The following TXNRD1 variants were observed in gnomAD, a reference collection of about 807,000 sequenced individuals.
TXNRD1 encodes thioredoxin reductase 1, cytoplasmic.
A neutral mutation model predicts 80.3 loss-of-function variants in TXNRD1; 57 were observed. That is an observed-to-expected ratio of 0.71 (90% CI 0.57 to 0.89). TXNRD1 has a LOEUF of 0.89. TXNRD1 is among the 40% of genes least tolerant of loss of function. The pLI is 0.00. For synonymous variants in TXNRD1, 291 were observed against 285.2 expected (o/e 1.02, Z -0.20); for missense variants, 730 against 803.0 (o/e 0.91, Z 1.10).
Position 104,308,487 on chromosome 12 carries a change from G to A in TXNRD1, c.415-2803G>A, listed in dbSNP as rs151246662. ...AAAAAATTTTTTAAAATAAAAATACGTTAACATTTAATAAATATATTATTT... is the reference window on the plus strand; with the variant it reads ...AAAAAATTTTTTAAAATAAAAATACATTAACATTTAATAAATATATTATTT... On this transcript the variant is annotated intron_variant, in intron 4 of 16. Transcript: ENST00000525566. 6.5e-3 allele frequency among the ~76,000 whole-genome samples: 987 copies of A among 151,980 alleles called. 9 individuals are homozygous for A. Among genetic ancestry groups the A allele is most frequent in the African/African-American group, 0.022 (909 of 41,414 alleles).
chr12:104,242,794 T>TA lies in TXNRD1; in HGVS notation c.92-8732dup, dbSNP rs557236112. On this transcript the variant is annotated intron_variant, in intron 1 of 16. Coordinates refer to ENST00000525566, the MANE Select transcript of TXNRD1 (RefSeq NM_001093771.3). ...CTACCTCAAACACACAGTGTCTAGT[T>TA]ACAGTGGTAGCCTACATGGATTTCT... Among the ~76,000 whole-genome samples, 196 of 152,280 alleles carry TA rather than the reference T, an allele frequency of 1.3e-3. 2 individuals are homozygous for TA. The highest frequency in any genetic ancestry group is 4.7e-3 in the Admixed American group (72 of 15,286).
intron 4 of TXNRD1, among the ~76,000 whole-genome samples, chr12:104,310,784 C>T (rs1014641732): frequency 1.3e-5 from 2 of 152,144 alleles, no homozygotes; most frequent in African/African-American, 2.4e-5. Flanking sequence ...CCTACAAAAG[C>T]AGCAACTTTC....
rs558948496 is a variant in TXNRD1 at position 104,251,471 on chromosome 12, T to C, written c.92-56T>C. 7.7e-6 allele frequency: 12 copies of C among 1,553,542 alleles called. No homozygotes were observed. The South Asian group carries it at 1.4e-4, about 18-fold the overall frequency. Reference sequence around the variant, plus strand: ...TTAGAGTGAACCTAATATTAGAAAATGCATCATCATGTTTTCCTTTGTGAT... The same window carrying C: ...TTAGAGTGAACCTAATATTAGAAAACGCATCATCATGTTTTCCTTTGTGAT... On this transcript the variant is annotated intron_variant, in intron 1 of 16. Coordinates refer to ENST00000525566, the MANE Select transcript of TXNRD1 (RefSeq NM_001093771.3).
At chr12:104,268,134 T>C (rs1455250538) in intron 3 of TXNRD1, among the ~76,000 whole-genome samples, 1 of 150,886 alleles carries the variant, frequency 6.6e-6, no homozygotes, top group Non-Finnish European at 1.5e-5. Context: ...GGATTACAGG[T>C]GTGAGCCACT....
intron 11 of TXNRD1, 136 bp from the exon 12 acceptor site, chr12:104,326,211 A>C: frequency 1.6e-6 from 1 of 635,310 alleles, no homozygotes; most frequent in Non-Finnish European, 2.7e-6. Context: ...CTCTTGCATT[A>C]CTTTCTTACT....
chr12:104,251,221 T>C (rs2033111085), intron 1 of TXNRD1, among the ~76,000 whole-genome samples: 1 of 152,198 alleles, frequency 6.6e-6, no homozygotes, highest in Non-Finnish European at 1.5e-5. Context: ...GTGGCCTCAG[T>C]ATTTCCAACC....
At chr12:104,334,353 T>C in intron 15 of TXNRD1, 21 bp downstream of exon 15, 1 of 1,322,288 alleles carries the variant, frequency 7.6e-7, no homozygotes. Context: ...TTCTCAATCC[T>C]TTCCAGTAAT....
At chr12:104,251,900 C>T (rs1188822791) in intron 2 of TXNRD1, among the ~76,000 whole-genome samples, 1 of 151,916 alleles carries the variant, frequency 6.6e-6, no homozygotes, top group Non-Finnish European at 1.5e-5. Flanking sequence ...CCCATCTCTA[C>T]TAAAAATACA....
At chr12:104,254,667 C>A (rs1363993928) in intron 2 of TXNRD1, among the ~76,000 whole-genome samples, 4 of 101,134 alleles carry the variant, frequency 4.0e-5, no homozygotes, top group African/African-American at 8.7e-5. Flanking sequence ...ATATATATAT[C>A]AGCATGGTTT....
At chr12:104,303,694 G>A (rs1336778728) in intron 4 of TXNRD1, 11 of 580,552 alleles carry the variant, frequency 1.9e-5, no homozygotes, top group Non-Finnish European at 3.1e-5. Flanking sequence ...TCTTCCCGCG[G>A]AGCGTGCTGG....
chr12:104,220,561 T>TA (rs2032327399), intron 1 of TXNRD1, among the ~76,000 whole-genome samples: 1 of 151,974 alleles, frequency 6.6e-6, no homozygotes, highest in Non-Finnish European at 1.5e-5. Flanking sequence ...CCATCTCTAC[T>TA]AAAAAAATAC....
intron 16 of TXNRD1, among the ~76,000 whole-genome samples, chr12:104,340,678 TTCTTA>T (rs1379669957): frequency 6.6e-6 from 1 of 152,162 alleles, no homozygotes; most frequent in African/African-American, 2.4e-5. Flanking sequence ...TCCCTCCTCT[TTCTTA>T]TAAAGAAACT....
At chr12:104,329,928 T>A (rs1398385210) in intron 13 of TXNRD1, among the ~76,000 whole-genome samples, 1 of 152,148 alleles carries the variant, frequency 6.6e-6, no homozygotes, top group African/African-American at 2.4e-5. Flanking sequence ...CTCATCTCAT[T>A]TGTTTCCCTT....
intron 1 of TXNRD1, among the ~76,000 whole-genome samples, chr12:104,239,105 AGT>A (rs1447044625): frequency 9.9e-5 from 15 of 152,200 alleles, no homozygotes; most frequent in African/African-American, 3.1e-4. Flanking sequence ...TTTTGGAAAG[AGT>A]GTGAAAAATT....
intron 4 of TXNRD1, among the ~76,000 whole-genome samples, chr12:104,294,649 G>A (rs887792923): frequency 3.9e-5 from 6 of 151,984 alleles, no homozygotes; most frequent in Middle Eastern, 3.4e-3. Flanking sequence ...CTCTTGCCTC[G>A]GTGCCTGGGT....
chr12:104,229,738 G>A (rs7306728), intron 1 of TXNRD1, among the ~76,000 whole-genome samples: 51,390 of 151,504 alleles, frequency 0.34, 10,596 homozygotes, highest in Non-Finnish European at 0.46. Flanking sequence ...GATTATAGGC[G>A]CACGCTACCA....
In TXNRD1 at chr12:104,315,884, G is replaced by A; in HGVS notation, c.718G>A (p.Val240Ile). The A allele has an allele frequency of 6.2e-7, 1 of 1,611,348 alleles. No homozygotes were observed. The highest frequency in any genetic ancestry group is 8.5e-7 in the Non-Finnish European group (1 of 1,178,216). The change falls in exon 7 of 17, where the codon GTC (valine) becomes ATC (isoleucine). Residue 240 changes from valine (V) to isoleucine (I), a missense_variant. Coordinates refer to ENST00000525566, the MANE Select transcript of TXNRD1 (RefSeq NM_001093771.3). ...LQDSRNYGWK[V>I]EETVKHDWDR... The stretch of plus-strand genomic sequence containing the variant: ...AGACTCTCGAAATTATGGATGGAAA[G>A]TCGAGGAGACAGGTATGAGAGGGAA...
intron 2 of TXNRD1, among the ~76,000 whole-genome samples, chr12:104,253,403 C>G (rs2033173551): frequency 6.6e-6 from 1 of 151,972 alleles, no homozygotes; most frequent in Non-Finnish European, 1.5e-5. Context: ...CAGTCCCATC[C>G]CTGGGGGTTT....
chr12:104,304,183 C>G, intron 4 of TXNRD1: 1 of 1,614,050 alleles, frequency 6.2e-7, no homozygotes. Context: ...TGAGCCGAAC[C>G]AGAGAAGCAG....
Sources: gnomAD v4.1 joint callset for allele counts (sites outside exome capture counted in the v4.1 genomes callset) on GRCh38, gnomAD v4.1.1 for gene constraint, MANE v1.5 for transcripts, NCBI Gene and HGNC (gene_info 2026-07-23, HGNC 2026-07-21) for gene names.